Variants in ABCB5 observed in about 807,000 individuals in gnomAD.
The protein encoded by ABCB5 is ATP binding cassette subfamily B member 5.
A neutral mutation model predicts 144.2 loss-of-function variants in ABCB5; 155 were observed. The ratio of observed to expected loss-of-function variants is 1.08; its 90% CI spans 0.94 to 1.23. The LOEUF (loss-of-function observed/expected upper bound fraction) is 1.23, where lower values mean the gene tolerates loss of function less well. Among genes scored for constraint, ABCB5 ranks in the 50% most tolerant of loss-of-function variants. ABCB5 has a pLI of 0.00. For missense variants in ABCB5, 1,830 were observed against 1,520.8 expected (o/e 1.20, Z -3.38); for synonymous variants, 610 against 528.6 (o/e 1.15, Z -2.11).
At chr7:20,668,597 G>GC (rs1554282731) in intron 14 of ABCB5, among the ~76,000 whole-genome samples, 2 of 148,056 alleles carry the variant, frequency 1.4e-5, no homozygotes, top group African/African-American at 2.5e-5. Flanking sequence ...AGGTGGGGGG[G>GC]GGGGTCAGCC....
At chr7:20,688,240 A>T (rs902645514) in intron 16 of ABCB5, among the ~76,000 whole-genome samples, 13 of 152,090 alleles carry the variant, frequency 8.5e-5, no homozygotes, top group Non-Finnish European at 1.5e-5. Flanking sequence ...ATAAACAAAG[A>T]TCAATAATGA....
At position 20,685,713 on chromosome 7, in the gene ABCB5, T is replaced by C; in HGVS notation, c.1887T>C (p.Asp629=). The change falls in exon 16 of 28, where the codon GAT becomes GAC. Residue 629 remains aspartate (D), a synonymous_variant. Transcript: ENST00000404938. ...LVMSQDIKKA[D]EQMESMTYST... ...CCTGTAAGGATATTAAAAAAGCTGA[T>C]GAACAGATGGAGTCAATGACATATT... The C allele has an allele frequency of 6.2e-7, 1 of 1,609,264 alleles. No homozygotes were observed. Among genetic ancestry groups the C allele is most frequent in the Non-Finnish European group, 8.5e-7 (1 of 1,177,794 alleles).
chr7:20,697,613 T>C (rs1391073269), intron 16 of ABCB5, among the ~76,000 whole-genome samples: 1 of 152,236 alleles, frequency 6.6e-6, no homozygotes, highest in East Asian at 1.9e-4. Context: ...TAGGAAGGGC[T>C]GGCAGACCCA....
At chr7:20,739,513 CA>C (rs149752406) in intron 24 of ABCB5, among the ~76,000 whole-genome samples, 2,807 of 152,028 alleles carry the variant, frequency 0.018, 100 homozygotes, top group African/African-American at 0.064. Context: ...TTTATGGCTG[CA>C]AACGGGGAAA....
At chr7:20,638,463 T>G (rs1159382063) in intron 5 of ABCB5, among the ~76,000 whole-genome samples, 1 of 152,198 alleles carries the variant, frequency 6.6e-6, no homozygotes, top group African/African-American at 2.4e-5. Flanking sequence ...CATCACAATA[T>G]TTTTAGAACA....
chr7:20,700,153 T>C lies in ABCB5; in HGVS notation c.2337+18T>C. On this transcript the variant is annotated intron_variant, in intron 19 of 27. Coordinates refer to ENST00000404938, the MANE Select transcript of ABCB5 (RefSeq NM_001163941.2). ...TATATCAGGTCAGTGATAAGTTGAT[T>C]TTTTTTTTATTTTATTTAAAATTTA... The C allele has an allele frequency of 7.4e-7, 1 of 1,343,544 alleles. No individual in the cohort carries two copies. Among genetic ancestry groups the C allele is most frequent in the Non-Finnish European group, 9.6e-7 (1 of 1,037,404 alleles). The allele number at this position is 1,343,544 out of a possible 1,614,324, so 83.2% of individuals were successfully genotyped here.
chr7:20,638,879 A>G (rs948068799), intron 5 of ABCB5, among the ~76,000 whole-genome samples: 1 of 152,080 alleles, frequency 6.6e-6, no homozygotes, highest in Non-Finnish European at 1.5e-5. Flanking sequence ...TAGACCTAGG[A>G]GTGGAATTGC....
intron 20 of ABCB5, among the ~76,000 whole-genome samples, chr7:20,713,795 A>T (rs1781576881): frequency 6.7e-6 from 1 of 149,634 alleles, no homozygotes; most frequent in African/African-American, 2.5e-5. Flanking sequence ...GTTACCAGGC[A>T]CTAATCCCAG....
Position 20,727,734 on chromosome 7 carries a change from A to G in ABCB5, c.2727-581A>G, listed in dbSNP as rs186625358. On this transcript the variant is annotated intron_variant, in intron 22 of 27. Coordinates refer to ENST00000404938, the MANE Select transcript of ABCB5 (RefSeq NM_001163941.2). ...CAGCCTAGGCGACACAGCAAGAGAA[A>G]AGAGCTCGGCCCTTTACATTAAATC... 2.1e-4 allele frequency among the ~76,000 whole-genome samples: 32 copies of G among 152,332 alleles called. No individual in the cohort carries two copies. The East Asian group carries it at 5.2e-3, about 25-fold the overall frequency.
intron 20 of ABCB5, among the ~76,000 whole-genome samples, chr7:20,718,115 T>TAGCCAGG (rs1288428146): frequency 6.6e-6 from 1 of 151,342 alleles, no homozygotes; most frequent in Admixed American, 6.6e-5. Context: ...TTCACCGTGT[T>TAGCCAGG]AGCCAGGATG....
chr7:20,702,045 C>A (rs10488578), intron 19 of ABCB5, among the ~76,000 whole-genome samples: 33,771 of 152,014 alleles, frequency 0.22, 4,014 homozygotes, highest in Admixed American at 0.26. Context: ...CTTTTTATAA[C>A]CATTGTGAAA....
chr7:20,681,353 G>A (rs1002157945), intron 14 of ABCB5, 152 bp from the exon 15 acceptor site: 2 of 685,954 alleles, frequency 2.9e-6, no homozygotes, highest in South Asian at 2.3e-5. Context: ...TCTCTAACTC[G>A]TGACCTCAGG....
intron 20 of ABCB5, among the ~76,000 whole-genome samples, chr7:20,718,944 T>G (rs1315573450): frequency 1.3e-5 from 2 of 152,100 alleles, no homozygotes; most frequent in Non-Finnish European, 2.9e-5. Context: ...TTCACAAAGA[T>G]GTTCATTACA....
At chr7:20,723,274 A>G in intron 21 of ABCB5, 55 bp downstream of exon 21, 1 of 1,528,002 alleles carries the variant, frequency 6.5e-7, no homozygotes, top group East Asian at 2.3e-5. Context: ...AACAGTCAGA[A>G]CTTTATGATA....
At chr7:20,629,261 T>G (rs76522145) in intron 4 of ABCB5, among the ~76,000 whole-genome samples, 16,801 of 151,628 alleles carry the variant, frequency 0.11, 1,219 homozygotes, top group Non-Finnish European at 0.15. Context: ...TGGGCTGGCA[T>G]GCTGGGGACT....
chr7:20,744,350 A>T (rs1227092565), intron 25 of ABCB5, among the ~76,000 whole-genome samples: 1 of 152,058 alleles, frequency 6.6e-6, no homozygotes, highest in African/African-American at 2.4e-5. Flanking sequence ...TTCTTTAAAC[A>T]CACCTATGAA....
At chr7:20,752,632 A>C (rs906726539) in intron 26 of ABCB5, among the ~76,000 whole-genome samples, 4 of 152,182 alleles carry the variant, frequency 2.6e-5, no homozygotes, top group African/African-American at 9.6e-5. Flanking sequence ...GTGGATCACG[A>C]GGTCAGGAAT....
At chr7:20,718,110 C>T (rs963388044) in intron 20 of ABCB5, among the ~76,000 whole-genome samples, 7 of 150,862 alleles carry the variant, frequency 4.6e-5, no homozygotes, top group African/African-American at 1.5e-4. Flanking sequence ...GGGGTTTCAC[C>T]GTGTTAGCCA....
chr7:20,616,497 G>A (rs1029450327), intron 1 of ABCB5, among the ~76,000 whole-genome samples: 1 of 152,162 alleles, frequency 6.6e-6, no homozygotes, highest in African/African-American at 2.4e-5. Flanking sequence ...CTTGGTACAT[G>A]AACCTAGAAA....
Sources: allele counts gnomAD v4.1 joint callset (sites outside exome capture counted in the v4.1 genomes callset), GRCh38; gene constraint gnomAD v4.1.1; transcripts MANE v1.5; gene names NCBI Gene and HGNC (gene_info 2026-07-23, HGNC 2026-07-21).